MCCC1: variants seen among roughly 807,000 people sequenced by gnomAD.
MCCC1 encodes methylcrotonyl-CoA carboxylase subunit 1, also known as methylcrotonoyl-CoA carboxylase subunit alpha, mitochondrial.
Under a neutral mutation model 83.8 loss-of-function variants are expected in MCCC1, and 64 were observed. The ratio of observed to expected loss-of-function variants is 0.76; its 90% CI spans 0.62 to 0.94. The LOEUF is 0.94. MCCC1 is among the 40% of genes least tolerant of loss of function. The pLI is 0.00. For synonymous variants in MCCC1, 322 were observed against 315.4 expected (o/e 1.02, Z -0.22); for missense variants, 807 against 904.7 (o/e 0.89, Z 1.39).
At chr3:183,113,148 C>G (rs183892462) in intron 1 of MCCC1, among the ~76,000 whole-genome samples, 1 of 148,892 alleles carries the variant, frequency 6.7e-6, no homozygotes, top group South Asian at 2.1e-4. Flanking sequence ...CCCTTGAACC[C>G]GGGAGGCAGA....
At position 183,088,415 on chromosome 3, in the gene MCCC1, C is replaced by T. The variant is rs973488965; in HGVS notation, c.274-1627G>A. On this transcript the variant is annotated intron_variant, in intron 3 of 18. Transcript: ENST00000265594. ...AGAGACAGGGCCTCACCATGTTGGC[C>T]AGGCTAATCTCAAACTCCTGACCTC... is the stretch of plus-strand genomic sequence containing the variant. Among the ~76,000 whole-genome samples the T allele has an allele frequency of 3.9e-5, 6 of 152,172 alleles. No individual in the cohort carries two copies. In the East Asian group the frequency reaches 5.8e-4, roughly 15 times the overall value.
At chr3:183,058,401 A>G (rs1272054808) in intron 7 of MCCC1, among the ~76,000 whole-genome samples, 2 of 152,176 alleles carry the variant, frequency 1.3e-5, no homozygotes, top group African/African-American at 4.8e-5. Flanking sequence ...GGACTGCTTG[A>G]ACCCAGGAGT....
chr3:183,023,788 T>C (rs1712352959), intron 15 of MCCC1, among the ~76,000 whole-genome samples: 1 of 152,208 alleles, frequency 6.6e-6, no homozygotes, highest in Non-Finnish European at 1.5e-5. Context: ...AGGAATTTGA[T>C]TGAATTCCCA....
At chr3:183,075,572 GCT>G (rs1560262365) in intron 4 of MCCC1, among the ~76,000 whole-genome samples, 1 of 136,176 alleles carries the variant, frequency 7.3e-6, no homozygotes, top group African/African-American at 2.7e-5. Context: ...ACAGAGTCTT[GCT>G]CTGTCACCCA....
At chr3:183,103,733 G>A (rs1379091728), upstream of MCCC1, among the ~76,000 whole-genome samples, 2 of 152,212 alleles carry the variant, frequency 1.3e-5, no homozygotes, top group East Asian at 1.9e-4. Flanking sequence ...TGCCAGTCCC[G>A]CGCCGTGCGC....
intron 9 of MCCC1, among the ~76,000 whole-genome samples, chr3:183,045,746 G>A (rs1239597049): frequency 6.6e-6 from 1 of 152,160 alleles, no homozygotes; most frequent in African/African-American, 2.4e-5. Context: ...CAACGGAAAA[G>A]TATATTTGGG....
upstream of MCCC1, among the ~76,000 whole-genome samples, chr3:183,100,465 G>A (rs952336210): frequency 6.6e-6 from 1 of 152,172 alleles, no homozygotes; most frequent in African/African-American, 2.4e-5. Context: ...AGCCCTCCAT[G>A]TCTTGCAAGA....
At chr3:183,097,647 G>C (rs1440979507) in intron 1 of MCCC1, among the ~76,000 whole-genome samples, 1 of 152,132 alleles carries the variant, frequency 6.6e-6, no homozygotes, top group Non-Finnish European at 1.5e-5. Context: ...CTCCCACCTT[G>C]GATCCCACAG....
intron 9 of MCCC1, among the ~76,000 whole-genome samples, chr3:183,048,833 G>A (rs897223876): frequency 6.6e-6 from 1 of 152,180 alleles, no homozygotes; most frequent in South Asian, 2.1e-4. Context: ...CACCAGGATA[G>A]ACCACATTCT....
intron 9 of MCCC1, among the ~76,000 whole-genome samples, chr3:183,049,570 C>CAAAA (rs757859179): frequency 1.4e-5 from 1 of 73,210 alleles, no homozygotes. Context: ...GACTTTGTTT[C>CAAAA]AAAAAAAAAA....
intron 2 of MCCC1, among the ~76,000 whole-genome samples, chr3:183,093,737 G>A (rs772510339): frequency 2.0e-5 from 3 of 152,126 alleles, no homozygotes; most frequent in Non-Finnish European, 4.4e-5. Flanking sequence ...TTGTCACAGG[G>A]GCTGATGGAT....
chr3:183,044,488 C>A (rs1714373455), intron 10 of MCCC1, among the ~76,000 whole-genome samples: 1 of 152,184 alleles, frequency 6.6e-6, no homozygotes, highest in Non-Finnish European at 1.5e-5. Flanking sequence ...AACATTTACT[C>A]ATGGGCCCGC....
intron 4 of MCCC1, among the ~76,000 whole-genome samples, chr3:183,075,326 T>C (rs1301664956): frequency 1.3e-5 from 2 of 152,222 alleles, no homozygotes; most frequent in Non-Finnish European, 2.9e-5. Context: ...TTTACACTCC[T>C]ACCAACAGTG....
chr3:183,034,417 C>T (rs1197861689), intron 13 of MCCC1, among the ~76,000 whole-genome samples: 1 of 146,716 alleles, frequency 6.8e-6, no homozygotes, highest in African/African-American at 2.5e-5. Context: ...CGCCACTGCA[C>T]CGGATCCAGC....
At position 183,071,084 on chromosome 3, in the gene MCCC1, C is replaced by T; in HGVS notation, c.676G>A (p.Glu226Lys). The T allele has an allele frequency of 6.2e-7, 1 of 1,614,202 alleles. No individual in the cohort carries two copies. Among genetic ancestry groups the T allele is most frequent in the Non-Finnish European group, 8.5e-7 (1 of 1,180,032 alleles). ...RIVRSEQEFQEQLESARREAK... is the reference protein window; with the variant it reads ...RIVRSEQEFQKQLESARREAK... ...TCTCTCCGTGCTGACTCTAACTGTT[C>T]TTGAAATTCTTGTTCTGATCTAACA... The change falls in exon 7 of 19, where the codon GAA becomes AAA. Residue 226 changes from glutamate to lysine, a missense_variant. Glu to Lys is a moderately conservative substitution (Grantham distance 56). Coordinates refer to ENST00000265594, the MANE Select transcript of MCCC1 (RefSeq NM_020166.5).
At chr3:183,017,496 A>G in intron 17 of MCCC1, 159 bp from the exon 18 acceptor site, 2 of 691,788 alleles carry the variant, frequency 2.9e-6, no homozygotes, top group Non-Finnish European at 4.9e-6. Context: ...AAAGAAAAAA[A>G]ACAACACAGA....
intron 7 of MCCC1, among the ~76,000 whole-genome samples, chr3:183,057,715 C>A (rs545210257): frequency 2.0e-5 from 3 of 152,072 alleles, no homozygotes; most frequent in Non-Finnish European, 4.4e-5. Flanking sequence ...CCAATCTCTA[C>A]AAAAAAACTA....
chr3:183,114,698 A>G (rs757772027), intron 1 of MCCC1, among the ~76,000 whole-genome samples: 12 of 152,188 alleles, frequency 7.9e-5, no homozygotes, highest in Non-Finnish European at 1.6e-4. Flanking sequence ...AGAGCAAGCC[A>G]CTTATTCAGA....
chr3:183,025,891 C>T, intron 14 of MCCC1, 87 bp from the exon 15 acceptor site: 3 of 1,145,746 alleles, frequency 2.6e-6, no homozygotes, highest in Non-Finnish European at 3.9e-6. Flanking sequence ...CACTCTCAAC[C>T]TAAAGACAAC....
Sources: gnomAD v4.1 joint callset for allele counts (sites outside exome capture counted in the v4.1 genomes callset) on GRCh38, gnomAD v4.1.1 for gene constraint, MANE v1.5 for transcripts, NCBI Gene and HGNC (gene_info 2026-07-23, HGNC 2026-07-21) for gene names.